Variants in JAML observed in about 807,000 individuals in gnomAD.
The protein encoded by JAML is junction adhesion molecule like.
In JAML, 25 loss-of-function variants were observed where a neutral mutation model predicts 39.3. That is an observed-to-expected ratio of 0.64 (90% confidence interval 0.46 to 0.89). The LOEUF (loss-of-function observed/expected upper bound fraction) is 0.89, where lower values mean the gene tolerates loss of function less well. Among genes scored for constraint, JAML ranks in the 40% least tolerant of loss-of-function variants. The pLI, the probability that JAML is intolerant of heterozygous loss-of-function variation, is 0.00. For synonymous variants in JAML, 162 were observed against 179.2 expected, an observed-to-expected ratio of 0.90 and a Z score of 0.77; for missense variants, 440 against 486.9, an observed-to-expected ratio of 0.90 and a Z score of 0.91.
At chr11:118,206,573 C>T (rs1948920315) in intron 4 of JAML, among the ~76,000 whole-genome samples, 1 of 152,246 alleles carries the variant, frequency 6.6e-6, no homozygotes, top group African/African-American at 2.4e-5. Flanking sequence ...TTCTTTTATT[C>T]TAGGACCTAG....
At chr11:118,198,154 A>G (rs566185627) in intron 7 of JAML, 63 bp from the exon 8 acceptor site, 3 of 1,361,404 alleles carry the variant, frequency 2.2e-6, no homozygotes, top group South Asian at 1.2e-5. Flanking sequence ...GGGTCCCTAC[A>G]TGAGATCCCC....
chr11:118,212,867 G>A (rs774564397), intron 2 of JAML: 4 of 1,614,196 alleles, frequency 2.5e-6, no homozygotes, highest in South Asian at 2.2e-5. Context: ...GGAAACCCCA[G>A]AAGTCTCTCC....
chr11:118,218,211 G>A (rs182843392), intron 1 of JAML, among the ~76,000 whole-genome samples: 5 of 151,892 alleles, frequency 3.3e-5, no homozygotes, highest in Admixed American at 1.3e-4. Flanking sequence ...CTCCTGCCTC[G>A]GCCTCCTGAG....
At chr11:118,201,989 G>A (rs1211929613) in intron 6 of JAML, 2 of 152,284 alleles carry the variant, frequency 1.3e-5, no homozygotes, top group Admixed American at 1.3e-4. Flanking sequence ...ATGGGTGTGT[G>A]TGGAACTGTG....
chr11:118,195,383 G>A (rs1374617120), intron 9 of JAML, among the ~76,000 whole-genome samples: 3 of 152,076 alleles, frequency 2.0e-5, no homozygotes, highest in Non-Finnish European at 4.4e-5. Flanking sequence ...TGTCCTCAGG[G>A]CTGGTACGAT....
intron 2 of JAML, chr11:118,213,015 T>C: frequency 6.2e-7 from 1 of 1,611,650 alleles, no homozygotes; most frequent in Non-Finnish European, 8.5e-7. Context: ...TTTCTTTTAG[T>C]TCCTTTACAA....
intron 2 of JAML, among the ~76,000 whole-genome samples, chr11:118,213,548 T>C (rs1414276393): frequency 1.3e-5 from 2 of 152,240 alleles, no homozygotes; most frequent in African/African-American, 4.8e-5. Flanking sequence ...TTTGGAATTT[T>C]CCTGTAAGGA....
At chr11:118,214,703 C>T (rs768373100) in intron 2 of JAML, 121 bp downstream of exon 2, 2 of 1,028,074 alleles carry the variant, frequency 1.9e-6, no homozygotes, top group Non-Finnish European at 3.0e-6. Context: ...TGAAGTTCCA[C>T]ATTAGGGTTT....
chr11:118,212,610 A>C (rs530249628), intron 2 of JAML, 49 bp from the exon 3 acceptor site: 1 of 1,598,174 alleles, frequency 6.3e-7, no homozygotes, highest in African/African-American at 1.3e-5. Context: ...AAATACTCTC[A>C]ACAACAAAAA....
chr11:118,220,536 GA>G (rs1949199317), intron 1 of JAML, among the ~76,000 whole-genome samples: 1 of 152,186 alleles, frequency 6.6e-6, no homozygotes, highest in Non-Finnish European at 1.5e-5. Context: ...CTCTCAAAAA[GA>G]AACATCTACT....
rs1949249043 is a variant in JAML, at chr11:118,225,003, A to G, written c.-83T>C. Reference sequence around the variant, plus strand: ...AATCTCCCCACAGCTGCAGTCCCCAAGCTCAACTGAAAGACTGCTGCGAGC... The same window carrying G: ...AATCTCCCCACAGCTGCAGTCCCCAGGCTCAACTGAAAGACTGCTGCGAGC... On this transcript the variant is annotated 5_prime_UTR_variant, in exon 1 of 10. Coordinates refer to ENST00000356289, the MANE Select transcript of JAML (RefSeq NM_001098526.2). 1 of 152,374 alleles carries G rather than the reference A, an allele frequency of 6.6e-6. No individual in the cohort carries two copies. Among genetic ancestry groups the G allele is most frequent in the Middle Eastern group, 3.4e-3 (1 of 296 alleles). 9.4% of individuals were successfully genotyped at this position (152,374 alleles called of 1,614,324 possible).
intron 4 of JAML, 89 bp from the exon 5 acceptor site, chr11:118,206,080 A>G (rs1948910237): frequency 8.5e-7 from 1 of 1,174,914 alleles, no homozygotes; most frequent in Non-Finnish European, 1.3e-6. Flanking sequence ...TTAGCCAAAG[A>G]CCCTCAGCAG....
At chr11:118,204,684 C>T (rs1948880728) in intron 5 of JAML, 1 of 152,186 alleles carries the variant, frequency 6.6e-6, no homozygotes, top group African/African-American at 2.4e-5. Flanking sequence ...CCACAAAGTC[C>T]TGCTTTATTG....
rs1178751893 is a variant in JAML, at chr11:118,210,638, C to A, written c.273G>T (p.Met91Ile). 2 of 1,614,204 alleles carry A rather than the reference C, an allele frequency of 1.2e-6. No homozygotes were observed. Among genetic ancestry groups the A allele is most frequent in the South Asian group, 1.1e-5 (1 of 91,088 alleles). Reference sequence around the variant, plus strand: ...AGCCATCATTGCATAAGATGTCCCCCATCAAGTGTACGCGGTTCTGGAAGC... The same window carrying A: ...AGCCATCATTGCATAAGATGTCCCCAATCAAGTGTACGCGGTTCTGGAAGC... ...IGRFQNRVHL[M>I]GDILCNDGSL... Residue 91 changes from methionine (M) to isoleucine (I), a missense_variant, in exon 4 of 10, where the codon ATG (methionine) becomes ATT (isoleucine). By Grantham distance (10) the Met-to-Ile change is conservative. Transcript: ENST00000356289.
At chr11:118,217,168 G>A (rs1341757412) in intron 1 of JAML, among the ~76,000 whole-genome samples, 1 of 152,232 alleles carries the variant, frequency 6.6e-6, no homozygotes, top group African/African-American at 2.4e-5. Flanking sequence ...TTAGATGTGT[G>A]TCCTGTTACC....
At chr11:118,200,874 C>T in intron 6 of JAML, 1 of 345,530 alleles carries the variant, frequency 2.9e-6, no homozygotes, top group East Asian at 4.8e-5. Context: ...CCTTTCACAT[C>T]AACAATTCTA....
rs988648507 is a variant in JAML, at chr11:118,206,083, C to G, written c.425-92G>C. On this transcript the variant is annotated intron_variant, in intron 4 of 9. Coordinates refer to ENST00000356289, the MANE Select transcript of JAML (RefSeq NM_001098526.2). ...AAGAGATCATGTTTAGCCAAAGACC[C>G]TCAGCAGCAAAAATCGCTGTCACCA... 5.3e-6 allele frequency: 6 copies of G among 1,132,300 alleles called. No individual in the cohort carries two copies. The African/African-American group carries it at 7.7e-5, about 15-fold the overall frequency. 70.1% of individuals were successfully genotyped at this position (1,132,300 alleles called of 1,614,324 possible).
intron 2 of JAML, chr11:118,213,001 T>C: frequency 6.2e-7 from 1 of 1,613,002 alleles, no homozygotes; most frequent in Non-Finnish European, 8.5e-7. Flanking sequence ...CTTCCTCTTT[T>C]CCCTTTCTTT....
intron 6 of JAML, chr11:118,200,963 G>A (rs376775897): frequency 2.6e-5 from 5 of 193,008 alleles, no homozygotes; most frequent in Non-Finnish European, 4.4e-5. Flanking sequence ...GCAAGTGGTT[G>A]TCTTCAAAAG....
Sources: allele counts gnomAD v4.1 joint callset (sites outside exome capture counted in the v4.1 genomes callset), GRCh38; gene constraint gnomAD v4.1.1; transcripts MANE v1.5; gene names NCBI Gene and HGNC (gene_info 2026-07-23, HGNC 2026-07-21).